SRP54: variants seen among roughly 807,000 people sequenced by gnomAD.
SRP54 encodes signal recognition particle 54, also known as signal recognition particle subunit SRP54.
SRP54 carries 10 observed loss-of-function variants against 64.8 expected under a neutral mutation model. That is an observed-to-expected ratio of 0.15 (90% CI 0.10 to 0.26). SRP54 has a LOEUF of 0.26. SRP54 is among the 10% of genes least tolerant of loss of function. The pLI is 1.00. For synonymous variants in SRP54, 193 were observed against 185.6 expected (o/e 1.04, Z -0.32); for missense variants, 325 against 613.7 (o/e 0.53, Z 4.97).
At chr14:35,022,449 C>T (rs992235105) in intron 13 of SRP54, among the ~76,000 whole-genome samples, 8 of 151,980 alleles carry the variant, frequency 5.3e-5, no homozygotes, top group Non-Finnish European at 1.2e-4. Flanking sequence ...CTCTGCCTCC[C>T]AGGTTCAAGC....
At chr14:34,995,054 T>A (rs1433104503) in intron 1 of SRP54, among the ~76,000 whole-genome samples, 1 of 149,758 alleles carries the variant, frequency 6.7e-6, no homozygotes, top group Non-Finnish European at 1.5e-5. Context: ...AGTGCTGGGA[T>A]TACAGACATG....
intron 10 of SRP54, 87 bp downstream of exon 10, chr14:35,013,989 T>A (rs2044396557): frequency 4.3e-6 from 4 of 931,590 alleles, no homozygotes; most frequent in Non-Finnish European, 6.7e-6. Flanking sequence ...CTGTCCTCAC[T>A]AATTTAAGCA....
At chr14:34,990,024 C>T (rs984975098) in intron 1 of SRP54, among the ~76,000 whole-genome samples, 13 of 152,280 alleles carry the variant, frequency 8.5e-5, no homozygotes, top group African/African-American at 7.2e-5. Context: ...AAAATCTATG[C>T]TCTTTCCAGT....
At chr14:34,999,000 TGTGTGTGTGTGTG>T (rs1271466442) in intron 2 of SRP54, among the ~76,000 whole-genome samples, 73 of 87,640 alleles carry the variant, frequency 8.3e-4, no homozygotes, top group African/African-American at 2.6e-3. Flanking sequence ...TGTGTGTGTG[TGTGTGTGTGTGTG>T]GTTTTTTTTT....
intron 8 of SRP54, among the ~76,000 whole-genome samples, 183 bp downstream of exon 8, chr14:35,011,842 A>G (rs905556116): frequency 3.3e-5 from 5 of 152,204 alleles, no homozygotes. Flanking sequence ...TTTGTTCTCC[A>G]TTAAATATAA....
chr14:34,994,077 T>C (rs1403617175), intron 1 of SRP54, among the ~76,000 whole-genome samples: 1 of 152,152 alleles, frequency 6.6e-6, no homozygotes, highest in Non-Finnish European at 1.5e-5. Context: ...CACTGTAACC[T>C]CTGCCTCCCA....
At chr14:34,991,814 A>G (rs2043984580) in intron 1 of SRP54, among the ~76,000 whole-genome samples, 1 of 152,116 alleles carries the variant, frequency 6.6e-6, no homozygotes, top group Non-Finnish European at 1.5e-5. Flanking sequence ...TTTAAGCAAA[A>G]TTCTAACACG....
At chr14:35,026,220 GTTTGT>G (rs775673749) in intron 14 of SRP54, among the ~76,000 whole-genome samples, 64 of 132,410 alleles carry the variant, frequency 4.8e-4, no homozygotes, top group African/African-American at 1.4e-3. Context: ...TTTTTTGTTT[GTTTGT>G]TTTGTTTTGT....
chr14:35,004,736 T>C (rs1418892520), intron 4 of SRP54: 1 of 151,946 alleles, frequency 6.6e-6, no homozygotes, highest in African/African-American at 2.4e-5. Flanking sequence ...ATGTAGAAAA[T>C]GGAGATGAAT....
At chr14:35,023,235 A>G (rs1256991671) in intron 14 of SRP54, among the ~76,000 whole-genome samples, 155 bp downstream of exon 14, 1 of 151,644 alleles carries the variant, frequency 6.6e-6, no homozygotes, top group African/African-American at 2.4e-5. Flanking sequence ...CTGTTTTCAT[A>G]TTCAAGGTAA....
chr14:35,023,825 T>TACACACA (rs2044576036), intron 14 of SRP54, among the ~76,000 whole-genome samples: 1 of 102,158 alleles, frequency 9.8e-6, no homozygotes, highest in Non-Finnish European at 2.4e-5. Flanking sequence ...CACACACACT[T>TACACACA]CTTCTGAGTA....
At chr14:35,026,407 T>G (rs1205994811) in intron 14 of SRP54, among the ~76,000 whole-genome samples, 2 of 151,462 alleles carry the variant, frequency 1.3e-5, no homozygotes, top group Admixed American at 6.6e-5. Flanking sequence ...CTTTTTTTTG[T>G]TTTTTTTGTA....
intron 1 of SRP54, among the ~76,000 whole-genome samples, chr14:34,987,350 A>G (rs754429593): frequency 7.3e-5 from 11 of 149,982 alleles, no homozygotes; most frequent in Non-Finnish European, 1.6e-4. Context: ...ATTATAGTGT[A>G]TTTACAAAGT....
intron 1 of SRP54, among the ~76,000 whole-genome samples, chr14:34,986,906 C>G (rs1051594788): frequency 6.0e-5 from 9 of 150,920 alleles, no homozygotes; most frequent in African/African-American, 2.2e-4. Flanking sequence ...TATTCATCAT[C>G]CAGAGATAAC....
intron 5 of SRP54, among the ~76,000 whole-genome samples, chr14:35,007,704 T>TTATAA (rs2044286924): frequency 8.3e-6 from 1 of 119,908 alleles, no homozygotes; most frequent in Admixed American, 8.5e-5. Context: ...ATAGATTTTA[T>TTATAA]TAAAATATAT....
intron 1 of SRP54, among the ~76,000 whole-genome samples, chr14:34,989,238 A>T (rs775611704): frequency 7.2e-5 from 11 of 152,204 alleles, no homozygotes; most frequent in Non-Finnish European, 1.5e-4. Flanking sequence ...GCAGTGGCTC[A>T]TGCCTGTCTA....
intron 5 of SRP54, among the ~76,000 whole-genome samples, chr14:35,008,205 TTTA>T (rs1349309872): frequency 1.3e-5 from 2 of 152,208 alleles, no homozygotes; most frequent in Non-Finnish European, 2.9e-5. Context: ...CCTTGACCGC[TTTA>T]TGCTAATTTT....
In SRP54 at chr14:35,008,638, T is replaced by C; in HGVS notation, c.372T>C (p.Tyr124=). Residue 124 remains tyrosine, a synonymous_variant, in exon 6 of 16, where the codon TAT becomes TAC. Transcript: ENST00000216774. ...CTTTTCTCACCCAGCTAGCATATTATTACCAGAGGAAAGGTTGGAAGACCT... is the reference window on the plus strand; with the variant it reads ...CTTTTCTCACCCAGCTAGCATATTACTACCAGAGGAAAGGTTGGAAGACCT... ...KTTTCSKLAY[Y]YQRKGWKTCL... The C allele has an allele frequency of 6.3e-7, 1 of 1,580,420 alleles. No individual in the cohort carries two copies. Among genetic ancestry groups the C allele is most frequent in the Non-Finnish European group, 8.6e-7 (1 of 1,162,774 alleles).
At chr14:35,010,734 C>T (rs1451764057) in intron 7 of SRP54, among the ~76,000 whole-genome samples, 2 of 151,988 alleles carry the variant, frequency 1.3e-5, no homozygotes, top group Non-Finnish European at 2.9e-5. Flanking sequence ...CACTGCACTC[C>T]AGCCTGGGCA....
Sources: allele counts gnomAD v4.1 joint callset (sites outside exome capture counted in the v4.1 genomes callset), GRCh38; gene constraint gnomAD v4.1.1; transcripts MANE v1.5; gene names NCBI Gene and HGNC (gene_info 2026-07-23, HGNC 2026-07-21).